Variants in AGAP6 observed in about 807,000 individuals in gnomAD.
The protein encoded by AGAP6 is ArfGAP with GTPase domain, ankyrin repeat and PH domain 6, also known as arf-GAP with GTPase, ANK repeat and PH domain-containing protein 6.
In AGAP6, 29 loss-of-function variants were observed where a neutral mutation model predicts 63.9. The observed-to-expected ratio is 0.45, with a 90% CI of 0.34 to 0.62. AGAP6 has a LOEUF of 0.62. Ranked by LOEUF, AGAP6 falls within the 20% of genes least tolerant of loss-of-function variation. The pLI, the probability that AGAP6 is intolerant of heterozygous loss-of-function variation, is 0.01. For missense variants in AGAP6, 493 were observed against 884.9 expected (o/e 0.56, Z 5.62); for synonymous variants, 199 against 332.9 (o/e 0.60, Z 4.38).
chr10:50,000,108 A>T lies in AGAP6; in HGVS notation c.397-1888A>T, dbSNP rs1470748806. Among the ~76,000 whole-genome samples, 6 of 94,728 alleles carry T rather than the reference A, an allele frequency of 6.3e-5. No homozygotes were observed. The South Asian group carries it at 3.0e-3, about 47-fold the overall frequency. 62.1% of individuals were successfully genotyped at this position (94,728 alleles called of 152,430 possible). A position where few individuals can be genotyped will look rare whatever the true frequency, so the allele number is the denominator to read the frequency against. On this transcript the variant is annotated intron_variant, in intron 4 of 7. Transcript: ENST00000412531. ...GTACGATTATTTTCTAGTTTTTGTC[A>T]TTAAACCTTAAAACTACTAAGTAAC...
At chr10:50,004,384 C>T (rs567852778) in intron 5 of AGAP6, among the ~76,000 whole-genome samples, 336 of 151,296 alleles carry the variant, frequency 2.2e-3, no homozygotes, top group African/African-American at 7.8e-3. Context: ...TAAAATAAAT[C>T]GCATGGGACG....
intron 6 of AGAP6, among the ~76,000 whole-genome samples, chr10:50,005,681 G>T (rs1415771055): frequency 6.6e-6 from 1 of 151,868 alleles, no homozygotes; most frequent in African/African-American, 2.4e-5. Flanking sequence ...AGCATTTTGG[G>T]AGGCCGAGGT....
At chr10:50,005,600 G>C (rs1158576445) in intron 6 of AGAP6, among the ~76,000 whole-genome samples, 6 of 152,108 alleles carry the variant, frequency 3.9e-5, no homozygotes, top group Non-Finnish European at 8.8e-5. Context: ...GACAGAGCAA[G>C]ACTCTGTCTA....
chr10:49,997,217 C>T (rs1554862094), intron 4 of AGAP6, among the ~76,000 whole-genome samples: 1 of 151,748 alleles, frequency 6.6e-6, no homozygotes, highest in East Asian at 1.9e-4. Context: ...CTTCCCATTA[C>T]TTCACAACAT....
At chr10:49,993,903 C>T (rs1841380380) in intron 3 of AGAP6, among the ~76,000 whole-genome samples, 1 of 151,316 alleles carries the variant, frequency 6.6e-6, no homozygotes, top group Admixed American at 6.6e-5. Flanking sequence ...TTTTTAGTGA[C>T]ATATTAGTAG....
At chr10:49,992,434 C>G (rs111451326) in intron 3 of AGAP6, among the ~76,000 whole-genome samples, 1 of 152,092 alleles carries the variant, frequency 6.6e-6, no homozygotes, top group Non-Finnish European at 1.5e-5. Flanking sequence ...TAATAATGTG[C>G]GAAGTAATGC....
chr10:49,994,139 CTT>C (rs1371139184), intron 3 of AGAP6, among the ~76,000 whole-genome samples: 1 of 151,992 alleles, frequency 6.6e-6, no homozygotes, highest in Non-Finnish European at 1.5e-5. Context: ...TTTTTTTACC[CTT>C]TTCTTTTGTA....
Position 50,008,926 on chromosome 10 carries a change from A to G in AGAP6, c.801A>G (p.Lys267=), listed in dbSNP as rs782170688. 5.6e-6 allele frequency: 9 copies of G among 1,613,920 alleles called. No homozygotes were observed. The highest frequency in any genetic ancestry group is 4.4e-5 in the South Asian group (4 of 91,064). Residue 267 remains lysine (K), a synonymous_variant, in exon 8 of 8, where the codon AAA becomes AAG. Coordinates refer to ENST00000412531, the MANE Select transcript of AGAP6 (RefSeq NM_001077665.3). The part of the protein sequence containing the change: ...EKGSDPDKER[K]APENHADTIG... The stretch of plus-strand genomic sequence containing the variant: ...GGAGTGACCCAGACAAAGAGAGGAA[A>G]GCCCCGGAGAATCATGCTGACACCA...
intron 5 of AGAP6, among the ~76,000 whole-genome samples, chr10:50,004,406 G>C (rs1399914116): frequency 5.8e-4 from 87 of 151,138 alleles, no homozygotes; most frequent in Non-Finnish European, 9.6e-4. Flanking sequence ...AAGGTTTCAT[G>C]GGTAGAAAAG....
intron 2 of AGAP6, among the ~76,000 whole-genome samples, chr10:49,989,900 A>C (rs1298171814): frequency 1.3e-5 from 2 of 152,160 alleles, no homozygotes; most frequent in Non-Finnish European, 2.9e-5. Context: ...TTAACAGAAA[A>C]TGTGTCTCCA....
intron 3 of AGAP6, 37 bp downstream of exon 3, chr10:49,991,781 T>G (rs1554861046): frequency 3.1e-6 from 5 of 1,597,450 alleles, no homozygotes; most frequent in Non-Finnish European, 4.2e-6. Context: ...AGAGAAAGAA[T>G]AAAAGCTCTT....
intron 4 of AGAP6, among the ~76,000 whole-genome samples, chr10:49,997,165 C>T (rs1554862086): frequency 6.7e-6 from 1 of 149,352 alleles, no homozygotes; most frequent in African/African-American, 2.5e-5. Flanking sequence ...CTCCTAAGGC[C>T]TTGTTTAATA....
intron 6 of AGAP6, among the ~76,000 whole-genome samples, chr10:50,006,690 C>T (rs1487890074): frequency 6.6e-6 from 1 of 151,324 alleles, no homozygotes; most frequent in Non-Finnish European, 1.5e-5. Flanking sequence ...CCCAGTTGTA[C>T]TTTTAAATAA....
intron 5 of AGAP6, among the ~76,000 whole-genome samples, chr10:50,004,358 AAAAT>A (rs1473564420): frequency 9.3e-5 from 14 of 151,198 alleles, no homozygotes; most frequent in Non-Finnish European, 1.9e-4. Flanking sequence ...TCTGGGTCAA[AAAAT>A]AAATAAATAC....
intron 2 of AGAP6, among the ~76,000 whole-genome samples, chr10:49,989,947 G>C (rs1172178764): frequency 1.3e-5 from 2 of 152,006 alleles, no homozygotes; most frequent in Non-Finnish European, 2.9e-5. Context: ...TTATTTACCT[G>C]CTTGTTCTAA....
At position 50,009,943 on chromosome 10, in the gene AGAP6, G is replaced by T. The variant is rs1470587087; in HGVS notation, c.1818G>T (p.Leu606=). ...ADEDLQTAIL[L]LAHGSCEEVN... Reference sequence around the variant, plus strand: ...AGGACCTGCAGACAGCCATCCTGCTGCTGGCACATGGCTCCTGTGAGGAGG... The same window carrying T: ...AGGACCTGCAGACAGCCATCCTGCTTCTGGCACATGGCTCCTGTGAGGAGG... The change falls in exon 8 of 8, where the codon CTG becomes CTT. Residue 606 remains leucine, a synonymous_variant. Coordinates refer to ENST00000412531, the MANE Select transcript of AGAP6 (RefSeq NM_001077665.3). The T allele has an allele frequency of 5.0e-6, 8 of 1,612,238 alleles. No homozygotes were observed. The African/African-American group carries it at 8.0e-5, about 16-fold the overall frequency.
chr10:49,993,638 T>G (rs1841368668), intron 3 of AGAP6, among the ~76,000 whole-genome samples: 1 of 151,968 alleles, frequency 6.6e-6, no homozygotes, highest in African/African-American at 2.4e-5. Flanking sequence ...TAACACAGTG[T>G]AACTCTGTCT....
intron 6 of AGAP6, among the ~76,000 whole-genome samples, chr10:50,005,090 C>T (rs1841863878): frequency 6.6e-6 from 1 of 152,154 alleles, no homozygotes; most frequent in Non-Finnish European, 1.5e-5. Context: ...TATTCATGGC[C>T]TCTACCAACT....
At chr10:50,004,525 CAA>C (rs1554863548) in intron 5 of AGAP6, among the ~76,000 whole-genome samples, 158 bp from the exon 6 acceptor site, 2 of 142,034 alleles carry the variant, frequency 1.4e-5, no homozygotes, top group Non-Finnish European at 3.1e-5. Flanking sequence ...TTGTAAAAAA[CAA>C]AGAAATGAAA....
Sources: gnomAD v4.1 joint callset for allele counts (sites outside exome capture counted in the v4.1 genomes callset) on GRCh38, gnomAD v4.1.1 for gene constraint, MANE v1.5 for transcripts, NCBI Gene and HGNC (gene_info 2026-07-23, HGNC 2026-07-21) for gene names.